The following ERBB4 variants were observed in gnomAD, a reference collection of about 807,000 sequenced individuals.
The protein encoded by ERBB4 is receptor tyrosine-protein kinase erbB-4.
Under a neutral mutation model 158.0 loss-of-function variants are expected in ERBB4, and 42 were observed. The ratio of observed to expected loss-of-function variants is 0.27; its 90% CI spans 0.21 to 0.34. The LOEUF (loss-of-function observed/expected upper bound fraction) is 0.34, where lower values mean the gene tolerates loss of function less well. ERBB4 is among the 10% of genes least tolerant of loss of function. The pLI, the probability that ERBB4 is intolerant of heterozygous loss-of-function variation, is 1.00. For missense variants in ERBB4, 1,333 were observed against 1,624.1 expected, an observed-to-expected ratio of 0.82 and a Z score of 3.08; for synonymous variants, 583 against 558.7, an observed-to-expected ratio of 1.04 and a Z score of -0.61.
rs1443693721 is a variant in ERBB4, at chr2:211,704,183, T to C, written c.1210A>G (p.Ile404Val). 11 of 1,606,466 alleles carry C rather than the reference T, an allele frequency of 6.8e-6. No individual in the cohort carries two copies. The Admixed American group carries it at 1.7e-4, about 24-fold the overall frequency. Residue 404 changes from isoleucine to valine, a missense_variant, in exon 11 of 28, where the codon ATA becomes GTA. Transcript: ENST00000342788. ...GTCATGTTTGGTGGCCATGACTGTA[T>C]GTTCAGGAAACCTACAAGTGAAGAG... The part of the protein sequence containing the change: ...TVREITGFLN[I>V]QSWPPNMTDF...
intron 1 of ERBB4, among the ~76,000 whole-genome samples, chr2:212,276,002 A>G (rs77247940): frequency 0.025 from 3,735 of 151,818 alleles, 156 homozygotes; most frequent in African/African-American, 0.085. Context: ...TTTCTAATAT[A>G]TTTATTCAAA....
chr2:211,989,353 T>C (rs1205569069), intron 2 of ERBB4, among the ~76,000 whole-genome samples: 1 of 151,966 alleles, frequency 6.6e-6, no homozygotes, highest in Non-Finnish European at 1.5e-5. Flanking sequence ...GGAAAAATTT[T>C]CCCAAAATCC....
chr2:211,413,580 A>C (rs2063316113), intron 25 of ERBB4, among the ~76,000 whole-genome samples: 1 of 152,114 alleles, frequency 6.6e-6, no homozygotes, highest in Non-Finnish European at 1.5e-5. Context: ...GGTAAATTGC[A>C]ACCACAGTAA....
chr2:212,364,683 G>A (rs1335609413), intron 1 of ERBB4, among the ~76,000 whole-genome samples: 1 of 151,740 alleles, frequency 6.6e-6, no homozygotes, highest in Non-Finnish European at 1.5e-5. Flanking sequence ...TGAGAGCCAA[G>A]GCCACTGACA....
chr2:212,003,204 AGAC>A (rs2076169917), intron 2 of ERBB4, among the ~76,000 whole-genome samples: 2 of 48,772 alleles, frequency 4.1e-5, no homozygotes, highest in Non-Finnish European at 1.1e-4. Context: ...AAAGAAAGAA[AGAC>A]AGAAAGAAGG....
At chr2:211,416,537 C>A (rs1380208692) in intron 25 of ERBB4, among the ~76,000 whole-genome samples, 2 of 152,078 alleles carry the variant, frequency 1.3e-5, no homozygotes, top group Non-Finnish European at 2.9e-5. Context: ...AATAAACAGC[C>A]CAGCAAACCA....
chr2:211,830,988 T>C (rs1463930129), intron 3 of ERBB4, among the ~76,000 whole-genome samples: 1 of 151,858 alleles, frequency 6.6e-6, no homozygotes. Flanking sequence ...GTGGAACACA[T>C]TAAAATGTAG....
At chr2:211,519,191 TAA>T (rs1215256579) in intron 20 of ERBB4, among the ~76,000 whole-genome samples, 4 of 152,190 alleles carry the variant, frequency 2.6e-5, no homozygotes, top group Non-Finnish European at 5.9e-5. Flanking sequence ...GAATGCTGTA[TAA>T]ATTTAGAAAG....
chr2:211,838,016 T>C (rs2077380030), intron 3 of ERBB4, among the ~76,000 whole-genome samples: 1 of 151,994 alleles, frequency 6.6e-6, no homozygotes, highest in South Asian at 2.1e-4. Context: ...ACTGCTTGGG[T>C]ACCATCATTC....
At chr2:211,986,428 A>G (rs1374516116) in intron 2 of ERBB4, among the ~76,000 whole-genome samples, 2 of 152,216 alleles carry the variant, frequency 1.3e-5, no homozygotes, top group African/African-American at 4.8e-5. Context: ...TAGAACTCGT[A>G]TTAGAATCTG....
chr2:211,838,998 T>A (rs1473615922), intron 3 of ERBB4, among the ~76,000 whole-genome samples: 1 of 152,174 alleles, frequency 6.6e-6, no homozygotes, highest in African/African-American at 2.4e-5. Context: ...TAGGTAATTT[T>A]ACTGTATGTG....
At chr2:211,812,626 C>A (rs1156437928) in intron 3 of ERBB4, among the ~76,000 whole-genome samples, 1 of 152,204 alleles carries the variant, frequency 6.6e-6, no homozygotes, top group Non-Finnish European at 1.5e-5. Context: ...GCCTTTTGTC[C>A]AGCTATGCCC....
At chr2:211,624,539 C>T (rs199752010) in intron 17 of ERBB4, among the ~76,000 whole-genome samples, 3 of 152,244 alleles carry the variant, frequency 2.0e-5, no homozygotes, top group East Asian at 1.9e-4. Context: ...GAAATGTTTG[C>T]ATTTGCATAG....
At chr2:212,353,453 T>C (rs1159924624) in intron 1 of ERBB4, among the ~76,000 whole-genome samples, 1 of 149,334 alleles carries the variant, frequency 6.7e-6, no homozygotes, top group Admixed American at 6.7e-5. Flanking sequence ...TATAAACAAA[T>C]ATTTTATAAT....
At chr2:211,680,675 T>G (rs1220533609) in intron 12 of ERBB4, among the ~76,000 whole-genome samples, 1 of 152,200 alleles carries the variant, frequency 6.6e-6, no homozygotes, top group Non-Finnish European at 1.5e-5. Flanking sequence ...AAACAAATAT[T>G]CCAATTCATA....
chr2:211,596,386 A>C (rs1290689239), intron 19 of ERBB4, among the ~76,000 whole-genome samples: 4 of 152,312 alleles, frequency 2.6e-5, no homozygotes, highest in South Asian at 4.1e-4. Flanking sequence ...AAATAAGACG[A>C]ATATATTCTG....
intron 1 of ERBB4, among the ~76,000 whole-genome samples, chr2:212,153,631 C>T (rs959911747): frequency 5.3e-5 from 8 of 152,066 alleles, no homozygotes; most frequent in Admixed American, 3.3e-4. Context: ...AAAGTAATTG[C>T]GTTTTTTGTC....
chr2:212,483,855 G>A (rs957198109), intron 1 of ERBB4, among the ~76,000 whole-genome samples: 9 of 152,070 alleles, frequency 5.9e-5, no homozygotes, highest in African/African-American at 1.9e-4. Flanking sequence ...TCCTGCCTCA[G>A]CCTCCCGAGT....
intron 1 of ERBB4, among the ~76,000 whole-genome samples, chr2:212,136,050 G>C (rs1044612045): frequency 6.6e-6 from 1 of 152,078 alleles, no homozygotes; most frequent in African/African-American, 2.4e-5. Flanking sequence ...CCATCCCCTC[G>C]TGTCTAATAA....
Sources: gnomAD v4.1 joint callset for allele counts (sites outside exome capture counted in the v4.1 genomes callset) on GRCh38, gnomAD v4.1.1 for gene constraint, MANE v1.5 for transcripts, NCBI Gene and HGNC (gene_info 2026-07-23, HGNC 2026-07-21) for gene names.